The following PPTC7 variants were observed in gnomAD, a reference collection of about 807,000 sequenced individuals.
The protein encoded by PPTC7 is protein phosphatase targeting COQ7.
Under a neutral mutation model 30.8 loss-of-function variants are expected in PPTC7, and 6 were observed. The observed-to-expected ratio is 0.19, with a 90% confidence interval of 0.11 to 0.38. PPTC7 has a LOEUF of 0.38. Among genes scored for constraint, PPTC7 ranks in the 10% least tolerant of loss-of-function variants. The pLI, the probability that PPTC7 is intolerant of heterozygous loss-of-function variation, is 1.00. For synonymous variants in PPTC7, 163 were observed against 168.1 expected (o/e 0.97, Z 0.23); for missense variants, 218 against 404.8 (o/e 0.54, Z 3.96).
Position 110,534,243 on chromosome 12 carries a change from T to G in PPTC7, c.*2794A>C, listed in dbSNP as rs1441655877. 6.6e-6 allele frequency: 1 copy of G among 152,188 alleles called. No individual in the cohort carries two copies. The highest frequency in any genetic ancestry group is 2.4e-5 in the African/African-American group (1 of 41,462). 9.4% of individuals were successfully genotyped at this position (152,188 alleles called of 1,614,324 possible). Reference sequence around the variant, plus strand: ...AATTTCAAGCATGTGATAAAAATATTGATTTTTATAATACAGTATTGCTTT... The same window carrying G: ...AATTTCAAGCATGTGATAAAAATATGGATTTTTATAATACAGTATTGCTTT... On this transcript the variant is annotated 3_prime_UTR_variant, in exon 6 of 6. Transcript: ENST00000354300.
At chr12:110,542,442 TG>T (rs2064268665) in intron 3 of PPTC7, among the ~76,000 whole-genome samples, 1 of 151,008 alleles carries the variant, frequency 6.6e-6, no homozygotes, top group African/African-American at 2.4e-5. Flanking sequence ...GAGGCCAAGG[TG>T]GGCAGATCAC....
chr12:110,549,721 C>T (rs987403931), intron 2 of PPTC7, among the ~76,000 whole-genome samples: 2 of 152,128 alleles, frequency 1.3e-5, no homozygotes, highest in Admixed American at 6.6e-5. Context: ...GAAAAAGGCA[C>T]AGCAAAAACC....
At chr12:110,548,184 T>C (rs945549946) in intron 2 of PPTC7, among the ~76,000 whole-genome samples, 1 of 151,618 alleles carries the variant, frequency 6.6e-6, no homozygotes, top group African/African-American at 2.4e-5. Context: ...GGGCACATAG[T>C]AGACTCAATT....
At chr12:110,551,685 G>C in intron 2 of PPTC7, 104 bp downstream of exon 2, 4 of 1,053,466 alleles carry the variant, frequency 3.8e-6, no homozygotes, top group Non-Finnish European at 5.7e-6. Flanking sequence ...TGCTTAGTAG[G>C]AAGAGCCTCA....
At chr12:110,559,392 G>A (rs1249463827) in intron 1 of PPTC7, among the ~76,000 whole-genome samples, 1 of 151,410 alleles carries the variant, frequency 6.6e-6, no homozygotes, top group African/African-American at 2.4e-5. Flanking sequence ...CCATCATTAA[G>A]TGTTTATAAG....
At chr12:110,557,057 T>C (rs921398806) in intron 1 of PPTC7, among the ~76,000 whole-genome samples, 1 of 152,072 alleles carries the variant, frequency 6.6e-6, no homozygotes, top group Non-Finnish European at 1.5e-5. Context: ...TGAAGGGCAG[T>C]AGCGAAAGTT....
intron 5 of PPTC7, 131 bp downstream of exon 5, chr12:110,538,013 G>A: frequency 1.1e-6 from 1 of 911,952 alleles, no homozygotes; most frequent in Non-Finnish European, 1.6e-6. Context: ...TGACCTTGCT[G>A]AAAGCCACAA....
chr12:110,569,328 G>C (rs185005748), intron 1 of PPTC7, among the ~76,000 whole-genome samples: 1 of 152,122 alleles, frequency 6.6e-6, no homozygotes, highest in Non-Finnish European at 1.5e-5. Context: ...GTGAGACTCT[G>C]TCTCAAAAAA....
intron 3 of PPTC7, among the ~76,000 whole-genome samples, 179 bp from the exon 4 acceptor site, chr12:110,540,124 T>C (rs2064246537): frequency 1.3e-5 from 2 of 152,172 alleles, no homozygotes; most frequent in Non-Finnish European, 2.9e-5. Context: ...AAAAAGTTAA[T>C]CGAAAATTCT....
chr12:110,575,283 T>C (rs2064578882), intron 1 of PPTC7, among the ~76,000 whole-genome samples: 1 of 152,136 alleles, frequency 6.6e-6, no homozygotes, highest in Admixed American at 6.5e-5. Context: ...CAAATTTCTT[T>C]AGAAATAAAA....
intron 3 of PPTC7, among the ~76,000 whole-genome samples, chr12:110,542,388 C>A (rs148043823): frequency 1.5e-3 from 233 of 151,176 alleles, no homozygotes; most frequent in Non-Finnish European, 2.7e-3. Flanking sequence ...CTGCTCATAG[C>A]GGGCTGTGGG....
chr12:110,582,223 A>C (rs766507188), intron 1 of PPTC7, among the ~76,000 whole-genome samples: 1 of 152,172 alleles, frequency 6.6e-6, no homozygotes, highest in Non-Finnish European at 1.5e-5. Flanking sequence ...AATTTGGGAG[A>C]AAACGCTGTG....
chr12:110,559,444 G>A (rs2064418757), intron 1 of PPTC7, among the ~76,000 whole-genome samples: 1 of 150,894 alleles, frequency 6.6e-6, no homozygotes, highest in African/African-American at 2.4e-5. Context: ...TGGGGTCTCG[G>A]GCCCAGCGTG....
rs1460109762 is a variant in PPTC7 at position 110,551,868 on chromosome 12, T to G, written c.324A>C (p.Gly108=). Residue 108 remains glycine (G), a synonymous_variant, in exon 2 of 6, where the codon GGA becomes GGC. Transcript: ENST00000354300. ...CAATGGGATTACTAGGTACGAACCG[T>G]CCTTCTTTTACTAAACGTTCACACG... ...MRTCERLVKE[G]RFVPSNPIGI... 6.2e-7 allele frequency: 1 copy of G among 1,614,194 alleles called. No individual in the cohort carries two copies. Among genetic ancestry groups the G allele is most frequent in the Non-Finnish European group, 8.5e-7 (1 of 1,180,016 alleles).
rs11369595 is a variant in PPTC7 at position 110,540,321 on chromosome 12, C to CTTTT, written c.603-380_603-377dup. 4.8e-5 allele frequency among the ~76,000 whole-genome samples: 5 copies of CTTTT among 105,010 alleles called. 1 individual carries two copies. The highest frequency in any genetic ancestry group is 3.5e-4 in the South Asian group (1 of 2,862). 68.9% of individuals were successfully genotyped at this position (105,010 alleles called of 152,430 possible). On this transcript the variant is annotated intron_variant, in intron 3 of 5. Coordinates refer to ENST00000354300, the MANE Select transcript of PPTC7 (RefSeq NM_139283.2). ...ACAGCCGAATTCCATCCCCCCCCGC[C>CTTTT]TTTTTTTTTTTTTTTTTTGGAGACA... is the stretch of plus-strand genomic sequence containing the variant.
chr12:110,574,141 TAAAAAAAAA>T (rs58133391), intron 1 of PPTC7, among the ~76,000 whole-genome samples: 518 of 37,480 alleles, frequency 0.014, 4 homozygotes, highest in African/African-American at 0.034. Flanking sequence ...CCACAATAAT[TAAAAAAAAA>T]AAAAAAAAAA....
intron 1 of PPTC7, among the ~76,000 whole-genome samples, chr12:110,563,413 T>A (rs1440679510): frequency 6.6e-6 from 1 of 152,136 alleles, no homozygotes; most frequent in East Asian, 1.9e-4. Flanking sequence ...GGTCAGGAGT[T>A]CAAGACCAGC....
At chr12:110,569,223 C>T (rs2135789361) in intron 1 of PPTC7, among the ~76,000 whole-genome samples, 1 of 151,892 alleles carries the variant, frequency 6.6e-6, no homozygotes, top group African/African-American at 2.4e-5. Flanking sequence ...ATCCCAGCTA[C>T]ACGGAAGGCT....
chr12:110,549,338 G>A (rs1157467806), intron 2 of PPTC7, among the ~76,000 whole-genome samples: 3 of 151,824 alleles, frequency 2.0e-5, no homozygotes, highest in South Asian at 2.1e-4. Context: ...CTTTTATATT[G>A]GAATTGCTTT....
Sources: gnomAD v4.1 joint callset for allele counts (sites outside exome capture counted in the v4.1 genomes callset) on GRCh38, gnomAD v4.1.1 for gene constraint, MANE v1.5 for transcripts, NCBI Gene and HGNC (gene_info 2026-07-23, HGNC 2026-07-21) for gene names.